Variants in ADGRL3 observed in about 807,000 individuals in gnomAD.
The protein encoded by ADGRL3 is adhesion G protein-coupled receptor L3.
Under a neutral mutation model 153.5 loss-of-function variants are expected in ADGRL3, and 62 were observed. That is an observed-to-expected ratio of 0.40 (90% confidence interval 0.33 to 0.50). The LOEUF is 0.50. Ranked by LOEUF, ADGRL3 falls within the 20% of genes least tolerant of loss-of-function variation. The pLI is 0.47. For synonymous variants in ADGRL3, 710 were observed against 672.5 expected (o/e 1.06, Z -0.86); for missense variants, 1,641 against 1,859.4 (o/e 0.88, Z 2.16).
At chr4:61,412,447 T>C (rs1440125954) in intron 2 of ADGRL3, among the ~76,000 whole-genome samples, 1 of 152,170 alleles carries the variant, frequency 6.6e-6, no homozygotes, top group East Asian at 1.9e-4. Context: ...TTAAATCCTA[T>C]GAAAAAGGCA....
intron 4 of ADGRL3, among the ~76,000 whole-genome samples, chr4:61,584,773 C>G (rs562812363): frequency 6.6e-6 from 1 of 151,912 alleles, no homozygotes; most frequent in African/African-American, 2.4e-5. Flanking sequence ...TTTGTGAAAA[C>G]AAAAACAAAA....
intron 2 of ADGRL3, among the ~76,000 whole-genome samples, chr4:61,433,539 G>A (rs1283544328): frequency 6.6e-6 from 1 of 151,914 alleles, no homozygotes; most frequent in Non-Finnish European, 1.5e-5. Flanking sequence ...CATATTTCTT[G>A]CTCTTCCTTT....
At chr4:61,408,987 T>C (rs1333754626) in intron 2 of ADGRL3, among the ~76,000 whole-genome samples, 1 of 151,750 alleles carries the variant, frequency 6.6e-6, no homozygotes, top group Non-Finnish European at 1.5e-5. Context: ...ATTAATTTTG[T>C]ATTCCTGACC....
intron 1 of ADGRL3, among the ~76,000 whole-genome samples, chr4:61,338,955 T>C (rs1363108143): frequency 6.6e-6 from 1 of 152,184 alleles, no homozygotes; most frequent in Non-Finnish European, 1.5e-5. Context: ...ACTTAACTCA[T>C]GTTTTACACA....
rs542096179 is a variant in ADGRL3, at chr4:61,797,212, A to G, written c.1400-16597A>G. On this transcript the variant is annotated intron_variant, in intron 8 of 26. Coordinates refer to ENST00000683033, the MANE Select transcript of ADGRL3 (RefSeq NM_001387552.1). ...ATTTAAGCAAGGTAAATTAAAACAT[A>G]GGAAAATCAGAGTTTTGGTTACAAC... Among the ~76,000 whole-genome samples the G allele has an allele frequency of 8.7e-4, 132 of 152,350 alleles. No homozygotes were observed. The South Asian group carries it at 9.9e-3, about 11-fold the overall frequency.
At chr4:61,302,882 A>G (rs1320222066) in intron 1 of ADGRL3, among the ~76,000 whole-genome samples, 1 of 152,168 alleles carries the variant, frequency 6.6e-6, no homozygotes, top group East Asian at 1.9e-4. Flanking sequence ...ATAATCAGGA[A>G]TGGATAAGAA....
chr4:61,553,297 T>C (rs1377263299), intron 4 of ADGRL3, among the ~76,000 whole-genome samples: 1 of 152,198 alleles, frequency 6.6e-6, no homozygotes, highest in Non-Finnish European at 1.5e-5. Flanking sequence ...TAAGCATCTC[T>C]GTACCTAAAA....
At chr4:61,896,761 A>T (rs1292271486) in intron 11 of ADGRL3, among the ~76,000 whole-genome samples, 1 of 152,148 alleles carries the variant, frequency 6.6e-6, no homozygotes, top group African/African-American at 2.4e-5. Flanking sequence ...GTTGCTATTC[A>T]TAATGATGCT....
chr4:61,215,708 C>T (rs972958463), intron 1 of ADGRL3, among the ~76,000 whole-genome samples: 4 of 151,898 alleles, frequency 2.6e-5, no homozygotes, highest in East Asian at 2.0e-4. Flanking sequence ...CCCGCCACCA[C>T]GCCCGGTTTA....
At chr4:61,529,480 G>A (rs1299382530) in intron 4 of ADGRL3, among the ~76,000 whole-genome samples, 1 of 152,104 alleles carries the variant, frequency 6.6e-6, no homozygotes, top group Non-Finnish European at 1.5e-5. Flanking sequence ...CACTCCCAAA[G>A]TGTCCTGATT....
chr4:61,432,575 TTTCTTTCTTTCTTTCTTTCTTTC>T lies in ADGRL3; in HGVS notation c.-174+49389_-174+49411del, dbSNP rs2097371174. Among the ~76,000 whole-genome samples, 4 of 1,690 alleles carry T rather than the reference TTTCTTTCTTTCTTTCTTTCTTTC, an allele frequency of 2.4e-3. No homozygotes were observed. The East Asian group carries it at 0.12, about 53-fold the overall frequency. 1.1% of individuals were successfully genotyped at this position (1,690 alleles called of 152,430 possible). ...TATAGATTTCTTTTCTTTCTCTTCCTTTCTTTCTTTCTTTCTTTCTTTCTTTCTTTCTTTCTTTCTTTCTTTCT... is the reference window on the plus strand; with the variant it reads ...TATAGATTTCTTTTCTTTCTCTTCCTTTTCTTTCTTTCTTTCTTTCTTTCT... On this transcript the variant is annotated intron_variant, in intron 2 of 26. Coordinates refer to ENST00000683033, the MANE Select transcript of ADGRL3 (RefSeq NM_001387552.1).
intron 6 of ADGRL3, among the ~76,000 whole-genome samples, chr4:61,708,719 C>G (rs936681044): frequency 6.6e-6 from 1 of 151,920 alleles, no homozygotes; most frequent in Non-Finnish European, 1.5e-5. Flanking sequence ...TCTATTTATA[C>G]GGGTTTTTTC....
chr4:61,851,845 C>T (rs1453165435), intron 9 of ADGRL3, among the ~76,000 whole-genome samples: 1 of 152,130 alleles, frequency 6.6e-6, no homozygotes, highest in Non-Finnish European at 1.5e-5. Flanking sequence ...AATGTGTTGA[C>T]TTTTAAAAAT....
At chr4:61,382,398 A>G (rs2151910288) in intron 1 of ADGRL3, among the ~76,000 whole-genome samples, 1 of 151,840 alleles carries the variant, frequency 6.6e-6, no homozygotes, top group South Asian at 2.1e-4. Flanking sequence ...GCCAGTTGCA[A>G]AACCATTAGA....
At chr4:61,925,616 T>C (rs958718571) in intron 13 of ADGRL3, among the ~76,000 whole-genome samples, 1 of 152,046 alleles carries the variant, frequency 6.6e-6, no homozygotes, top group African/African-American at 2.4e-5. Context: ...CCATATCACA[T>C]TGCAAAAGCA....
intron 17 of ADGRL3, among the ~76,000 whole-genome samples, chr4:61,958,377 G>GTTCTCTC (rs1553894040): frequency 2.0e-5 from 3 of 148,168 alleles, no homozygotes; most frequent in African/African-American, 7.5e-5. Context: ...TGTTGTAAAG[G>GTTCTCTC]TTTCTTTCTT....
At chr4:61,211,892 G>C (rs1164017438) in intron 1 of ADGRL3, 3 of 152,230 alleles carry the variant, frequency 2.0e-5, no homozygotes, top group African/African-American at 7.2e-5. Context: ...TGCCAGATGG[G>C]AGAGCTGGAC....
intron 2 of ADGRL3, among the ~76,000 whole-genome samples, chr4:61,398,318 T>A (rs1344167474): frequency 6.6e-6 from 1 of 151,826 alleles, no homozygotes; most frequent in Non-Finnish European, 1.5e-5. Flanking sequence ...AGTAGACCCT[T>A]CATTAAATAT....
chr4:61,848,966 G>A (rs1561355016), intron 9 of ADGRL3, among the ~76,000 whole-genome samples: 1 of 152,134 alleles, frequency 6.6e-6, no homozygotes, highest in Non-Finnish European at 1.5e-5. Context: ...AGCATTCAGA[G>A]AAGTACTTTA....
Sources: gnomAD v4.1 joint callset for allele counts (sites outside exome capture counted in the v4.1 genomes callset) on GRCh38, gnomAD v4.1.1 for gene constraint, MANE v1.5 for transcripts, NCBI Gene and HGNC (gene_info 2026-07-23, HGNC 2026-07-21) for gene names.